Variants in VTI1A observed in about 807,000 individuals in gnomAD.
VTI1A encodes the protein vesicle transport through interaction with t-SNAREs 1A.
VTI1A carries 22 observed loss-of-function variants against 34.9 expected under a neutral mutation model. That is an observed-to-expected ratio of 0.63 (90% confidence interval 0.45 to 0.90). The LOEUF is 0.90. Ranked by LOEUF, VTI1A falls within the 40% of genes least tolerant of loss-of-function variation. The pLI, the probability that VTI1A is intolerant of heterozygous loss-of-function variation, is 0.00. For synonymous variants in VTI1A, 87 were observed against 97.3 expected, an observed-to-expected ratio of 0.89 and a Z score of 0.62; for missense variants, 268 against 275.6, an observed-to-expected ratio of 0.97 and a Z score of 0.20.
At chr10:112,510,153 T>C (rs949646125) in intron 3 of VTI1A, among the ~76,000 whole-genome samples, 7 of 152,244 alleles carry the variant, frequency 4.6e-5, no homozygotes, top group Admixed American at 3.9e-4. Context: ...CCTGAAAGTG[T>C]GTATTCTCTT....
chr10:112,808,853 G>A (rs911599388), intron 7 of VTI1A, among the ~76,000 whole-genome samples: 4 of 152,088 alleles, frequency 2.6e-5, no homozygotes, highest in African/African-American at 4.8e-5. Flanking sequence ...AGCCTCGTCC[G>A]GTATGGTAGT....
chr10:112,835,485 G>A, the VTI1A span, among the ~76,000 whole-genome samples: 5 of 152,332 alleles, frequency 3.3e-5, no homozygotes, highest in East Asian at 9.6e-4. Context: ...GCCCCTTGGA[G>A]GGCCCGCATA....
Position 112,521,238 on chromosome 10 carries a change from TA to T in VTI1A, c.265-5845del, listed in dbSNP as rs1850019442. On this transcript the variant is annotated intron_variant, in intron 3 of 7. Coordinates refer to ENST00000393077, the MANE Select transcript of VTI1A (RefSeq NM_145206.4). ...CTCTGATAGCATTAAAGAAATGCAG[TA>T]AAATTTTTTACTATTGGAAGCCATC... Among the ~76,000 whole-genome samples the T allele has an allele frequency of 1.3e-5, 2 of 152,028 alleles. 1 individual carries two copies. The highest frequency in any genetic ancestry group is 4.1e-4 in the South Asian group (2 of 4,832).
Position 112,817,458 on chromosome 10 carries a change from T to C in VTI1A, c.*2075T>C. 10 of 231,068 alleles carry C rather than the reference T, an allele frequency of 4.3e-5. No individual in the cohort carries two copies. The highest frequency in any genetic ancestry group is 6.9e-5 in the Non-Finnish European group (8 of 116,746). 14.3% of individuals were successfully genotyped at this position (231,068 alleles called of 1,614,324 possible). ...AATAGCTTTTTTCGTTCAAGTTCTA[T>C]GTCTTTATCAGCTCTTGCCTGTGAT... is the stretch of plus-strand genomic sequence containing the variant. On this transcript the variant is annotated 3_prime_UTR_variant, in exon 8 of 8. Transcript: ENST00000393077.
intron 5 of VTI1A, among the ~76,000 whole-genome samples, chr10:112,627,392 C>T (rs911586180): frequency 7.2e-5 from 11 of 152,112 alleles, no homozygotes; most frequent in African/African-American, 2.7e-4. Flanking sequence ...AAACCCTAGT[C>T]CTTATATGAC....
chr10:112,737,601 C>G, intron 7 of VTI1A: 1 of 1,048,174 alleles, frequency 9.5e-7, no homozygotes, highest in East Asian at 5.5e-5. Context: ...CTTAGTCCAG[C>G]TCTGTGATCT....
intron 3 of VTI1A, among the ~76,000 whole-genome samples, chr10:112,509,836 A>C (rs982495462): frequency 5.9e-5 from 9 of 152,248 alleles, no homozygotes; most frequent in African/African-American, 2.2e-4. Context: ...CATTCCTGCC[A>C]GTAACCAGTG....
Position 112,767,557 on chromosome 10 carries a change from A to G in VTI1A, c.561-47733A>G, listed in dbSNP as rs1851683599. Reference sequence around the variant, plus strand: ...TAGTTCTGAAAACAGGAGGGCATAAACTAATAACAACAGCATGGCACATAC... The same window carrying G: ...TAGTTCTGAAAACAGGAGGGCATAAGCTAATAACAACAGCATGGCACATAC... On this transcript the variant is annotated intron_variant, in intron 7 of 7. Coordinates refer to ENST00000393077, the MANE Select transcript of VTI1A (RefSeq NM_145206.4). The surrounding 1 kb of genome is among the most constrained non-coding windows in gnomAD (Gnocchi z 4.0). 6.6e-6 allele frequency among the ~76,000 whole-genome samples: 1 copy of G among 152,210 alleles called. No homozygotes were observed.
chr10:112,675,565 AT>A (rs1847995811), intron 7 of VTI1A, among the ~76,000 whole-genome samples: 1 of 152,308 alleles, frequency 6.6e-6, no homozygotes, highest in African/African-American at 2.4e-5. Flanking sequence ...GTCCTTTCGA[AT>A]TGTTGTATTG....
At chr10:112,730,713 A>G (rs775826936) in intron 7 of VTI1A, among the ~76,000 whole-genome samples, 5 of 151,782 alleles carry the variant, frequency 3.3e-5, no homozygotes, top group Non-Finnish European at 7.4e-5. Context: ...AGTTTATTCA[A>G]CCACCGTATA....
At chr10:112,824,735 G>C in the VTI1A span, 1 of 152,274 alleles carries the variant, frequency 6.6e-6, no homozygotes, top group African/African-American at 2.4e-5. Flanking sequence ...TGCTGTGCCA[G>C]TGGCCTGATG....
At chr10:112,470,294 T>G (rs1326306332) in intron 3 of VTI1A, among the ~76,000 whole-genome samples, 1 of 152,198 alleles carries the variant, frequency 6.6e-6, no homozygotes, top group African/African-American at 2.4e-5. Context: ...AGTCGAAGTA[T>G]GCTAAAATGA....
chr10:112,660,717 T>G (rs1162614213), intron 5 of VTI1A, among the ~76,000 whole-genome samples: 2 of 152,182 alleles, frequency 1.3e-5, no homozygotes, highest in African/African-American at 2.4e-5. Flanking sequence ...AATAGCCCCA[T>G]GTGGCTAGTG....
intron 5 of VTI1A, among the ~76,000 whole-genome samples, chr10:112,541,392 A>G (rs1451820959): frequency 6.6e-6 from 1 of 152,210 alleles, no homozygotes; most frequent in Non-Finnish European, 1.5e-5. Context: ...GGTTTTTATG[A>G]AGTAAAATAA....
chr10:112,627,026 C>T (rs1269874269), intron 5 of VTI1A, among the ~76,000 whole-genome samples: 1 of 152,140 alleles, frequency 6.6e-6, no homozygotes, highest in African/African-American at 2.4e-5. Flanking sequence ...GTTTATTATC[C>T]ACAGTTGCCT....
At chr10:112,744,532 C>T (rs1850819529) in intron 7 of VTI1A, among the ~76,000 whole-genome samples, 1 of 145,948 alleles carries the variant, frequency 6.9e-6, no homozygotes, top group Non-Finnish European at 1.5e-5. Flanking sequence ...GTAGCCTTGG[C>T]CTCTCAGGCT....
chr10:112,806,235 G>A (rs1277312299), intron 7 of VTI1A, among the ~76,000 whole-genome samples: 1 of 152,124 alleles, frequency 6.6e-6, no homozygotes, highest in African/African-American at 2.4e-5. Context: ...AATGGCTGAT[G>A]ATGGCTTGGT....
intron 7 of VTI1A, among the ~76,000 whole-genome samples, chr10:112,811,470 G>A (rs1483507782): frequency 6.6e-6 from 1 of 151,932 alleles, no homozygotes; most frequent in African/African-American, 2.4e-5. Context: ...CGAGGCGGGC[G>A]GATCACGAGG....
intron 7 of VTI1A, among the ~76,000 whole-genome samples, chr10:112,713,472 A>G (rs1490224435): frequency 7.3e-5 from 11 of 151,024 alleles, no homozygotes; most frequent in African/African-American, 2.4e-4. Flanking sequence ...AGGCATTATT[A>G]TTTTCTTTTA....
Sources: gnomAD v4.1 joint callset for allele counts (sites outside exome capture counted in the v4.1 genomes callset) on GRCh38, gnomAD v4.1.1 for gene constraint, Gnocchi (gnomAD v3.1) non-coding constraint, MANE v1.5 for transcripts, NCBI Gene and HGNC (gene_info 2026-07-23, HGNC 2026-07-21) for gene names.